The following EYA1 variants were observed in gnomAD, a reference collection of about 807,000 sequenced individuals.
EYA1 encodes protein phosphatase EYA1.
A neutral mutation model predicts 82.0 loss-of-function variants in EYA1; 16 were observed. The ratio of observed to expected loss-of-function variants is 0.20; its 90% CI spans 0.13 to 0.30. The LOEUF (loss-of-function observed/expected upper bound fraction) is 0.30. Ranked by LOEUF, EYA1 falls within the 10% of genes least tolerant of loss-of-function variation. EYA1 has a pLI of 1.00. For missense variants in EYA1, 633 were observed against 730.7 expected, an observed-to-expected ratio of 0.87 and a Z score of 1.54; for synonymous variants, 261 against 264.4, an observed-to-expected ratio of 0.99 and a Z score of 0.12.
intron 9 of EYA1, among the ~76,000 whole-genome samples, chr8:71,293,762 A>G (rs751775469): frequency 6.6e-6 from 1 of 151,006 alleles, no homozygotes; most frequent in African/African-American, 2.4e-5. Context: ...AAACTCAGTA[A>G]TCTAGGAAAG....
chr8:71,522,026 G>A (rs754253446), intron 2 of EYA1, among the ~76,000 whole-genome samples: 1 of 152,044 alleles, frequency 6.6e-6, no homozygotes, highest in Non-Finnish European at 1.5e-5. Flanking sequence ...AAGAATTAAG[G>A]GACTTTACTA....
At chr8:71,315,944 A>C (rs1487681520) in intron 7 of EYA1, among the ~76,000 whole-genome samples, 1 of 152,210 alleles carries the variant, frequency 6.6e-6, no homozygotes, top group East Asian at 1.9e-4. Flanking sequence ...GTCCACTAAA[A>C]TTGTAGTTTG....
chr8:71,397,715 C>T (rs541669145), intron 2 of EYA1, among the ~76,000 whole-genome samples: 96 of 152,290 alleles, frequency 6.3e-4, no homozygotes, highest in African/African-American at 2.2e-3. Flanking sequence ...TCTGGCTGCC[C>T]TTAACATTTT....
intron 12 of EYA1, among the ~76,000 whole-genome samples, chr8:71,223,747 C>G (rs755937086): frequency 3.3e-5 from 5 of 152,178 alleles, no homozygotes; most frequent in African/African-American, 9.7e-5. Flanking sequence ...TCATCTCTGG[C>G]CTTCTAGGGC....
intron 6 of EYA1, among the ~76,000 whole-genome samples, chr8:71,319,120 C>A (rs1032140075): frequency 6.8e-6 from 1 of 147,700 alleles, no homozygotes; most frequent in Non-Finnish European, 1.5e-5. Flanking sequence ...CAATAAAATA[C>A]CAATAATTCA....
intron 2 of EYA1, among the ~76,000 whole-genome samples, chr8:71,371,850 G>C (rs1005296085): frequency 4.6e-5 from 7 of 151,894 alleles, no homozygotes; most frequent in Non-Finnish European, 1.5e-5. Context: ...TAAAAAGTAA[G>C]ATCACAGGAA....
intron 2 of EYA1, among the ~76,000 whole-genome samples, chr8:71,400,381 G>A (rs899207582): frequency 1.2e-4 from 19 of 152,054 alleles, no homozygotes; most frequent in Non-Finnish European, 7.4e-5. Context: ...GGGAGAAAAT[G>A]TTTGCAATCT....
At chr8:71,442,980 A>C (rs138784770) in intron 2 of EYA1, among the ~76,000 whole-genome samples, 114 of 152,380 alleles carry the variant, frequency 7.5e-4, no homozygotes, top group African/African-American at 2.6e-3. Flanking sequence ...TCAACTAATG[A>C]GAATTAATAC....
At chr8:71,442,002 T>A (rs1806469038) in intron 2 of EYA1, among the ~76,000 whole-genome samples, 1 of 152,152 alleles carries the variant, frequency 6.6e-6, no homozygotes, top group African/African-American at 2.4e-5. Flanking sequence ...CAGACACCAA[T>A]CTGCCTGCAC....
intron 3 of EYA1, among the ~76,000 whole-genome samples, chr8:71,349,902 T>C (rs1472357804): frequency 6.6e-6 from 1 of 152,232 alleles, no homozygotes; most frequent in Non-Finnish European, 1.5e-5. Flanking sequence ...TTAGCCAGCA[T>C]TATTATAATT....
intron 2 of EYA1, among the ~76,000 whole-genome samples, chr8:71,370,865 T>C (rs1037327123): frequency 2.0e-5 from 3 of 152,100 alleles, no homozygotes; most frequent in African/African-American, 7.2e-5. Context: ...GCTCAAGCGA[T>C]GCTCCCACCT....
chr8:71,538,497 A>C (rs2129289818), intron 1 of EYA1, among the ~76,000 whole-genome samples: 1 of 152,338 alleles, frequency 6.6e-6, no homozygotes, highest in Admixed American at 6.5e-5. Flanking sequence ...GCATCCACAA[A>C]ATTTCTGGTC....
At chr8:71,492,528 G>C (rs1811087143) in intron 2 of EYA1, among the ~76,000 whole-genome samples, 1 of 150,554 alleles carries the variant, frequency 6.6e-6, no homozygotes, top group Admixed American at 6.6e-5. Context: ...GCAGTCGCGT[G>C]ATCTCAGCTC....
chr8:71,237,217 A>G (rs1015141331), intron 12 of EYA1, among the ~76,000 whole-genome samples: 2 of 151,694 alleles, frequency 1.3e-5, no homozygotes, highest in Non-Finnish European at 2.9e-5. Flanking sequence ...ATGCCCAACT[A>G]ATTTTGGTAT....
intron 14 of EYA1, among the ~76,000 whole-genome samples, chr8:71,216,325 C>T (rs1405918710): frequency 6.6e-6 from 1 of 152,152 alleles, no homozygotes; most frequent in African/African-American, 2.4e-5. Flanking sequence ...AAGATTCAAA[C>T]TAATCCAAGT....
Position 71,330,558 on chromosome 8 carries a change from C to T in EYA1, c.202+3539G>A, listed in dbSNP as rs536877403. Among the ~76,000 whole-genome samples, 110 of 152,240 alleles carry T rather than the reference C, an allele frequency of 7.2e-4. No individual in the cohort carries two copies. The Middle Eastern group carries it at 0.017, about 24-fold the overall frequency. Reference sequence around the variant, plus strand: ...TTTTTCTTTTCCTCATCTTCACTCCCCCACATTATTCATGAATCATTCATT... The same window carrying T: ...TTTTTCTTTTCCTCATCTTCACTCCTCCACATTATTCATGAATCATTCATT... On this transcript the variant is annotated intron_variant, in intron 4 of 17. Coordinates refer to ENST00000340726, the MANE Select transcript of EYA1 (RefSeq NM_000503.6).
At chr8:71,271,059 G>A (rs568658204) in intron 10 of EYA1, among the ~76,000 whole-genome samples, 62 of 152,260 alleles carry the variant, frequency 4.1e-4, no homozygotes, top group African/African-American at 1.4e-3. Flanking sequence ...GCAGTGAGCC[G>A]AGATCACGCC....
rs139323860 is a variant in EYA1 at position 71,243,908 on chromosome 8, C to T, written c.1140+695G>A. Among the ~76,000 whole-genome samples, 11 of 152,256 alleles carry T rather than the reference C, an allele frequency of 7.2e-5. No individual in the cohort carries two copies. In the East Asian group the frequency reaches 1.3e-3, roughly 19 times the overall value. ...GCCCTACCACAAGCTTGCTTAACAG[C>T]GGAATTTAAATAAACAACTGTCTCT... On this transcript the variant is annotated intron_variant, in intron 12 of 17. Transcript: ENST00000340726.
At chr8:71,327,853 C>CT (rs71555578) in intron 4 of EYA1, among the ~76,000 whole-genome samples, 21,907 of 110,190 alleles carry the variant, frequency 0.2, 2,782 homozygotes, top group African/African-American at 0.27. Flanking sequence ...TCTTTAAGTT[C>CT]TTTTTTTTTT....
Sources: gnomAD v4.1 joint callset for allele counts (sites outside exome capture counted in the v4.1 genomes callset) on GRCh38, gnomAD v4.1.1 for gene constraint, MANE v1.5 for transcripts, NCBI Gene and HGNC (gene_info 2026-07-23, HGNC 2026-07-21) for gene names.